Variants in R3HDM1 observed in about 807,000 individuals in gnomAD.
R3HDM1 encodes R3H domain containing 1, also known as R3H domain-containing protein 1.
R3HDM1 carries 46 observed loss-of-function variants against 141.1 expected under a neutral mutation model. The ratio of observed to expected loss-of-function variants is 0.33; its 90% CI spans 0.26 to 0.42. The LOEUF (loss-of-function observed/expected upper bound fraction) is 0.42, where lower values mean the gene tolerates loss of function less well. Among genes scored for constraint, R3HDM1 ranks in the 10% least tolerant of loss-of-function variants. R3HDM1 has a pLI of 1.00. For missense variants in R3HDM1, 1,184 were observed against 1,368.3 expected (o/e 0.87, Z 2.12); for synonymous variants, 435 against 472.9 (o/e 0.92, Z 1.04).
chr2:135,679,854 C>T (rs911072903), intron 20 of R3HDM1, among the ~76,000 whole-genome samples: 5 of 151,994 alleles, frequency 3.3e-5, no homozygotes, highest in African/African-American at 1.2e-4. Flanking sequence ...CCAAGGTGGG[C>T]GGATCACTTG....
chr2:135,714,251 G>C (rs111610927), intron 23 of R3HDM1, among the ~76,000 whole-genome samples: 21 of 152,280 alleles, frequency 1.4e-4, no homozygotes, highest in African/African-American at 4.3e-4. Context: ...CTTCTGATGT[G>C]ATCCATTGAG....
intron 1 of R3HDM1, chr2:135,584,026 A>G (rs1292563654): frequency 1.0e-6 from 1 of 985,300 alleles, no homozygotes; most frequent in African/African-American, 1.7e-5. Context: ...AAAAAGTTAA[A>G]TTTTATTAAC....
At chr2:135,540,088 C>G (rs1048658272) in intron 1 of R3HDM1, among the ~76,000 whole-genome samples, 6 of 152,206 alleles carry the variant, frequency 3.9e-5, no homozygotes, top group African/African-American at 1.2e-4. Flanking sequence ...TCCTTTGTTG[C>G]TATTTCAACA....
At chr2:135,656,677 G>A (rs1215621972) in intron 18 of R3HDM1, 1 of 152,146 alleles carries the variant, frequency 6.6e-6, no homozygotes, top group Admixed American at 6.5e-5. Flanking sequence ...CAAGTAAAAT[G>A]TAGCAGCCTT....
intron 19 of R3HDM1, 79 bp downstream of exon 19, chr2:135,661,472 T>A: frequency 6.6e-7 from 1 of 1,510,006 alleles, no homozygotes; most frequent in Non-Finnish European, 9.1e-7. Context: ...CTTAAGATAG[T>A]ACCTACTCAG....
At chr2:135,698,308 C>T (rs1283045541) in intron 21 of R3HDM1, among the ~76,000 whole-genome samples, 1 of 151,570 alleles carries the variant, frequency 6.6e-6, no homozygotes, top group African/African-American at 2.4e-5. Flanking sequence ...TACAGGCACC[C>T]ACCACCACGC....
At chr2:135,639,270 G>T in intron 14 of R3HDM1, 148 bp downstream of exon 14, 1 of 673,928 alleles carries the variant, frequency 1.5e-6, no homozygotes, top group Non-Finnish European at 2.5e-6. Context: ...CACTTAAGGG[G>T]TAATATGTTT....
At chr2:135,549,660 G>A (rs1699476301) in intron 1 of R3HDM1, among the ~76,000 whole-genome samples, 1 of 151,292 alleles carries the variant, frequency 6.6e-6, no homozygotes, top group South Asian at 2.1e-4. Flanking sequence ...AGCTTATATA[G>A]TTCCTTTTAT....
chr2:135,540,611 G>T (rs1427701665), intron 1 of R3HDM1, among the ~76,000 whole-genome samples: 6 of 152,106 alleles, frequency 3.9e-5, no homozygotes, highest in African/African-American at 1.4e-4. Context: ...TAGGGACAGG[G>T]TCTTGCTCGT....
At chr2:135,603,612 GTTTGT>G (rs1256225162) in intron 2 of R3HDM1, among the ~76,000 whole-genome samples, 1 of 151,610 alleles carries the variant, frequency 6.6e-6, no homozygotes, top group East Asian at 1.9e-4. Context: ...GGGTTTTTTT[GTTTGT>G]TTTGTTTTGT....
In R3HDM1 at chr2:135,678,524, G is replaced by C. The variant is rs563440237; in HGVS notation, c.2308-1649G>C. On this transcript the variant is annotated intron_variant, in intron 20 of 26. Transcript: ENST00000683871. ...GCACTGTAGGAGGCCAAGGTAGGTG[G>C]ATCACCTGAGGTCAGAAGTTTGAGA... Among the ~76,000 whole-genome samples, 24 of 151,726 alleles carry C rather than the reference G, an allele frequency of 1.6e-4. 1 individual carries two copies. In the South Asian group the frequency reaches 3.7e-3, roughly 24 times the overall value.
intron 1 of R3HDM1, among the ~76,000 whole-genome samples, chr2:135,591,101 T>C (rs1228828564): frequency 1.3e-5 from 2 of 152,194 alleles, no homozygotes; most frequent in Non-Finnish European, 2.9e-5. Flanking sequence ...AAATGGGTCA[T>C]GTTAGATCTA....
At chr2:135,626,209 G>GTGCGTGCTTGCTTGCTTGCTTGCTTGCT (rs1553576639) in intron 7 of R3HDM1, among the ~76,000 whole-genome samples, 13 of 143,446 alleles carry the variant, frequency 9.1e-5, no homozygotes, top group African/African-American at 2.6e-4. Flanking sequence ...GCGTGCGTGC[G>GTGCGTGCTTGCTTGCTTGCTTGCTTGCT]TGCTTGCTTG....
intron 17 of R3HDM1, 45 bp downstream of exon 17, chr2:135,650,048 T>C: frequency 1.7e-6 from 2 of 1,179,574 alleles, no homozygotes; most frequent in South Asian, 3.4e-5. Flanking sequence ...TGTGGGTGGA[T>C]GTGTGATGAA....
rs951997114 is a variant in R3HDM1, at chr2:135,722,483, C to G, written c.2979C>G (p.Ser993Arg). The part of the protein sequence containing the change: ...HIPNQQGQPG[S>R]RHGNRGRRQA... ...TGGGTTTTCAGGGTCAGCCTGGCAGCAGGCATGGAAACCGAGGAAGGAGAC... is the reference window on the plus strand; with the variant it reads ...TGGGTTTTCAGGGTCAGCCTGGCAGGAGGCATGGAAACCGAGGAAGGAGAC... The change falls in exon 26 of 27, where the codon AGC (serine) becomes AGG (arginine). Residue 993 changes from serine (S) to arginine (R), a missense_variant. Coordinates refer to ENST00000683871, the MANE Select transcript of R3HDM1 (RefSeq NM_001378107.1). 6.2e-7 allele frequency: 1 copy of G among 1,613,820 alleles called. No homozygotes were observed. Among genetic ancestry groups the G allele is most frequent in the Non-Finnish European group, 8.5e-7 (1 of 1,179,988 alleles).
At position 135,622,678 on chromosome 2, in the gene R3HDM1, C is replaced by G. The variant is rs1052506080; in HGVS notation, c.443C>G (p.Ser148Ter). The change falls in exon 7 of 27, where the codon TCA (serine) becomes TGA (stop). Residue 148 changes from serine (S) to a stop codon, truncating the protein, a stop_gained. Coordinates refer to ENST00000683871, the MANE Select transcript of R3HDM1 (RefSeq NM_001378107.1). LOFTEE classifies it high-confidence loss of function. ...GATTCCAGTCAAGAATACACTGATT[C>G]AACTGGCATAGATCTACATGAATTT... ...SRDSSQEYTD[S>*]TGIDLHEFLV... The G allele has an allele frequency of 6.2e-7, 1 of 1,601,620 alleles. No homozygotes were observed. The highest frequency in any genetic ancestry group is 8.5e-7 in the Non-Finnish European group (1 of 1,173,278).
chr2:135,564,720 T>C (rs186600928), intron 1 of R3HDM1, among the ~76,000 whole-genome samples: 13 of 152,340 alleles, frequency 8.5e-5, no homozygotes, highest in African/African-American at 3.1e-4. Context: ...AGATTTTCTT[T>C]ATATTTTTAT....
At chr2:135,589,117 TA>T (rs1708630732) in intron 1 of R3HDM1, among the ~76,000 whole-genome samples, 1 of 152,176 alleles carries the variant, frequency 6.6e-6, no homozygotes, top group African/African-American at 2.4e-5. Flanking sequence ...TTTCATTTTG[TA>T]AAGCAGATTA....
intron 1 of R3HDM1, chr2:135,543,063 G>C: frequency 1.0e-6 from 1 of 981,728 alleles, no homozygotes; most frequent in Non-Finnish European, 1.2e-6. Flanking sequence ...AATGGGAATG[G>C]AATGTGAGGA....
Sources: gnomAD v4.1 joint callset for allele counts (sites outside exome capture counted in the v4.1 genomes callset) on GRCh38, gnomAD v4.1.1 for gene constraint, MANE v1.5 for transcripts, NCBI Gene and HGNC (gene_info 2026-07-23, HGNC 2026-07-21) for gene names.